STAB2: variants seen among roughly 807,000 people sequenced by gnomAD.
STAB2 encodes the protein stabilin-2.
Under a neutral mutation model 338.1 loss-of-function variants are expected in STAB2, and 288 were observed. That is an observed-to-expected ratio of 0.85 (90% confidence interval 0.77 to 0.94). The LOEUF is 0.94. STAB2 is among the 40% of genes least tolerant of loss of function. STAB2 has a pLI of 0.00. For missense variants in STAB2, 3,141 were observed against 3,210.1 expected (o/e 0.98, Z 0.52); for synonymous variants, 1,202 against 1,193.3 (o/e 1.01, Z -0.15).
rs1171879654 is a variant in STAB2, at chr12:103,731,453, G to A, written c.5224-123G>A. On this transcript the variant is annotated intron_variant, in intron 49 of 68. Transcript: ENST00000388887. ...TCAGAAGAGAGTTGGAGCAGGTGCT[G>A]ATGAGCCCATCTATGTATCCGTCAG... is the stretch of plus-strand genomic sequence containing the variant. 3.3e-6 allele frequency: 3 copies of A among 912,270 alleles called. No homozygotes were observed. In the African/African-American group the frequency reaches 5.1e-5, roughly 15 times the overall value. 56.5% of individuals were successfully genotyped at this position (912,270 alleles called of 1,614,324 possible). A position where few individuals can be genotyped will look rare whatever the true frequency, so the allele number is the denominator to read the frequency against.
At chr12:103,677,651 C>G (rs1876512766) in intron 25 of STAB2, 40 bp downstream of exon 25, 1 of 1,585,138 alleles carries the variant, frequency 6.3e-7, no homozygotes, top group Admixed American at 1.7e-5. Context: ...AAGCAGGAAT[C>G]CTGCAGTGAC....
chr12:103,689,445 T>G (rs1213928893), intron 28 of STAB2, among the ~76,000 whole-genome samples: 2 of 149,434 alleles, frequency 1.3e-5, no homozygotes, highest in East Asian at 2.0e-4. Flanking sequence ...ATCACACCAC[T>G]GCACTCCAGC....
intron 31 of STAB2, among the ~76,000 whole-genome samples, chr12:103,694,078 C>T (rs1263428815): frequency 6.6e-6 from 1 of 152,060 alleles, no homozygotes; most frequent in Non-Finnish European, 1.5e-5. Flanking sequence ...GGAGCTCCTT[C>T]TCTATCTGTC....
rs144864042 is a variant in STAB2, at chr12:103,606,296, G to T, written c.331+11786G>T. Among the ~76,000 whole-genome samples the T allele has an allele frequency of 1.5e-3, 235 of 151,988 alleles. 7 individuals are homozygous for T. The East Asian group carries it at 0.044, about 28-fold the overall frequency. On this transcript the variant is annotated intron_variant, in intron 3 of 68. Transcript: ENST00000388887. ...CACTCCTATCCTTGGTGCTATTATTGTTATGTATATTACTTCTATATATAT... is the reference window on the plus strand; with the variant it reads ...CACTCCTATCCTTGGTGCTATTATTTTTATGTATATTACTTCTATATATAT...
At chr12:103,704,503 C>T (rs541160411) in intron 35 of STAB2, 55 bp from the exon 36 acceptor site, 4 of 1,553,118 alleles carry the variant, frequency 2.6e-6, no homozygotes, top group South Asian at 2.3e-5. Flanking sequence ...TCTGGACATG[C>T]AGCTTCATTT....
chr12:103,614,723 T>C (rs958955365), intron 3 of STAB2, among the ~76,000 whole-genome samples: 17 of 152,190 alleles, frequency 1.1e-4, no homozygotes, highest in African/African-American at 3.1e-4. Flanking sequence ...AACCATCCCA[T>C]GCAAAGGCAC....
Position 103,695,778 on chromosome 12 carries a change from C to A in STAB2, c.3516C>A (p.Tyr1172Ter). ...LANAIEAADA[Y>*]TVFAPNNNAI... is the part of the protein sequence containing the mutation. ...ATGCAATTGAGGCTGCCGATGCCTA[C>A]ACAGTGTTTGCTCCAAACAACAATG... Residue 1172 changes from tyrosine to a stop codon, truncating the protein, a stop_gained, in exon 33 of 69, where the codon TAC (tyrosine) becomes TAA (stop). Coordinates refer to ENST00000388887, the MANE Select transcript of STAB2 (RefSeq NM_017564.10). LOFTEE classifies it high-confidence loss of function. 1 of 1,614,216 alleles carries A rather than the reference C, an allele frequency of 6.2e-7. No individual in the cohort carries two copies. Among genetic ancestry groups the A allele is most frequent in the Non-Finnish European group, 8.5e-7 (1 of 1,180,036 alleles).
chr12:103,637,902 T>C, intron 7 of STAB2, 114 bp from the exon 8 acceptor site: 1 of 1,080,154 alleles, frequency 9.3e-7, no homozygotes, highest in Non-Finnish European at 1.3e-6. Flanking sequence ...GAAATGTTTG[T>C]CTTTGAAAAC....
At chr12:103,659,874 G>A (rs1565991561) in intron 15 of STAB2, among the ~76,000 whole-genome samples, 1 of 152,198 alleles carries the variant, frequency 6.6e-6, no homozygotes, top group East Asian at 1.9e-4. Flanking sequence ...ACAAACAGAC[G>A]TTTATTTATG....
chr12:103,673,193 A>T (rs1875981805), intron 22 of STAB2, among the ~76,000 whole-genome samples: 1 of 152,142 alleles, frequency 6.6e-6, no homozygotes, highest in African/African-American at 2.4e-5. Flanking sequence ...TTTATTCCAG[A>T]ATATCTTCAT....
chr12:103,703,546 TG>T (rs1039002509), intron 35 of STAB2, among the ~76,000 whole-genome samples: 1 of 151,760 alleles, frequency 6.6e-6, no homozygotes, highest in Non-Finnish European at 1.5e-5. Flanking sequence ...GTGGGGATGG[TG>T]GGGGGGAGTG....
intron 18 of STAB2, among the ~76,000 whole-genome samples, chr12:103,665,585 G>T (rs71466275): frequency 6.6e-6 from 1 of 152,140 alleles, no homozygotes; most frequent in Admixed American, 6.5e-5. Flanking sequence ...GGAGCCGTAG[G>T]GATGGTACCA....
intron 17 of STAB2, among the ~76,000 whole-genome samples, chr12:103,662,266 G>A (rs1874688446): frequency 6.6e-6 from 1 of 152,154 alleles, no homozygotes; most frequent in Non-Finnish European, 1.5e-5. Context: ...GAAGACAGAG[G>A]AAGCCAGGAT....
chr12:103,643,920 C>A (rs1477076698), intron 9 of STAB2, among the ~76,000 whole-genome samples: 12 of 115,024 alleles, frequency 1.0e-4, no homozygotes, highest in South Asian at 2.9e-4. Context: ...GTGAGGAGCC[C>A]CTCTGCCCGG....
intron 52 of STAB2, 78 bp from the exon 53 acceptor site, chr12:103,737,556 G>A (rs1475488214): frequency 2.7e-6 from 4 of 1,462,426 alleles, no homozygotes; most frequent in Non-Finnish European, 9.1e-7. Flanking sequence ...GAAGAGATGT[G>A]TGAAAGAGAT....
intron 6 of STAB2, among the ~76,000 whole-genome samples, chr12:103,633,190 TA>T (rs1165055985): frequency 6.6e-6 from 1 of 152,176 alleles, no homozygotes; most frequent in African/African-American, 2.4e-5. Flanking sequence ...GCCTTCTCAG[TA>T]AGGCAGGAGA....
intron 3 of STAB2, among the ~76,000 whole-genome samples, chr12:103,610,907 C>G (rs201653668): frequency 0.04 from 6,108 of 152,258 alleles, 180 homozygotes; most frequent in East Asian, 0.12. Flanking sequence ...TCATTGGTTT[C>G]AAAGAACATC....
chr12:103,614,146 A>G (rs1417817763), intron 3 of STAB2, among the ~76,000 whole-genome samples: 7 of 152,178 alleles, frequency 4.6e-5, no homozygotes, highest in Admixed American at 4.6e-4. Flanking sequence ...TATGCCTAGT[A>G]AGTTTTATTG....
At chr12:103,722,942 T>A (rs1880881897) in intron 44 of STAB2, among the ~76,000 whole-genome samples, 1 of 152,174 alleles carries the variant, frequency 6.6e-6, no homozygotes. Context: ...TATTAGTCAG[T>A]GATGAACTAG....
Sources: gnomAD v4.1 joint callset for allele counts (sites outside exome capture counted in the v4.1 genomes callset) on GRCh38, gnomAD v4.1.1 for gene constraint, MANE v1.5 for transcripts, NCBI Gene and HGNC (gene_info 2026-07-23, HGNC 2026-07-21) for gene names.